Variants in RANBP17 observed in about 807,000 individuals in gnomAD.
The protein encoded by RANBP17 is ran-binding protein 17.
In RANBP17, 158 loss-of-function variants were observed where a neutral mutation model predicts 141.2. The ratio of observed to expected loss-of-function variants is 1.12; its 90% CI spans 0.98 to 1.28. The LOEUF is 1.28. Ranked by LOEUF, RANBP17 falls within the 50% of genes most tolerant of loss-of-function variation. The probability of loss-of-function intolerance (pLI) is 0.00; values close to 1 mark genes in which losing one functional copy is unlikely to be tolerated. For synonymous variants in RANBP17, 430 were observed against 450.0 expected, an observed-to-expected ratio of 0.96 and a Z score of 0.56; for missense variants, 1,438 against 1,290.7, an observed-to-expected ratio of 1.11 and a Z score of -1.75.
At chr5:171,056,502 A>C (rs1323954457) in intron 14 of RANBP17, among the ~76,000 whole-genome samples, 1 of 152,200 alleles carries the variant, frequency 6.6e-6, no homozygotes, top group Non-Finnish European at 1.5e-5. Flanking sequence ...AAATCATATC[A>C]GAATTACAGG....
At position 170,996,187 on chromosome 5, in the gene RANBP17, AAG is replaced by A. The variant is rs145611718; in HGVS notation, c.1710+27814_1710+27815del. On this transcript the variant is annotated intron_variant, in intron 14 of 27. Transcript: ENST00000523189. Reference sequence around the variant, plus strand: ...GGGCTAGAAATCTAAAAGTCTGAGAAAGAGAATGCTTGAGGGACCCTCTCCTT... The same window carrying A: ...GGGCTAGAAATCTAAAAGTCTGAGAAAGAATGCTTGAGGGACCCTCTCCTT... 4.0e-3 allele frequency among the ~76,000 whole-genome samples: 615 copies of A among 152,322 alleles called. 4 individuals carry two copies. Among genetic ancestry groups the A allele is most frequent in the African/African-American group, 0.013 (536 of 41,586 alleles).
intron 22 of RANBP17, among the ~76,000 whole-genome samples, chr5:171,238,819 A>G (rs1445291244): frequency 6.6e-6 from 1 of 152,114 alleles, no homozygotes; most frequent in Non-Finnish European, 1.5e-5. Context: ...TGGCAACTTC[A>G]ATTATCCTTC....
Position 171,171,241 on chromosome 5 carries a change from C to T in RANBP17, c.1820C>T (p.Pro607Leu). 2 of 1,597,872 alleles carry T rather than the reference C, an allele frequency of 1.3e-6. No homozygotes were observed. Among genetic ancestry groups the T allele is most frequent in the Non-Finnish European group, 1.7e-6 (2 of 1,169,266 alleles). Residue 607 changes from proline to leucine, a missense_variant, in exon 16 of 28, where the codon CCT (proline) becomes CTT (leucine). By Grantham distance (98) the Pro-to-Leu change is moderately conservative. Coordinates refer to ENST00000523189, the MANE Select transcript of RANBP17 (RefSeq NM_022897.5). ...TNLKYWGRYEPVISRTLQFLN... is the reference protein window; with the variant it reads ...TNLKYWGRYELVISRTLQFLN... ...CTTAAATACTGGGGAAGATATGAGC[C>T]TGTAATTTCAAGGACTCTTCAGTTC...
At chr5:171,298,235 A>G (rs189153801) in intron 27 of RANBP17, among the ~76,000 whole-genome samples, 1 of 152,218 alleles carries the variant, frequency 6.6e-6, no homozygotes, top group African/African-American at 2.4e-5. Context: ...TATTCATCCA[A>G]TATCACCGGA....
intron 14 of RANBP17, among the ~76,000 whole-genome samples, chr5:171,092,847 C>T (rs1400411903): frequency 6.6e-6 from 1 of 152,154 alleles, no homozygotes; most frequent in Non-Finnish European, 1.5e-5. Flanking sequence ...TTGTTATTCA[C>T]CTTTGATCTC....
At chr5:171,032,799 A>G (rs911680568) in intron 14 of RANBP17, among the ~76,000 whole-genome samples, 1 of 152,124 alleles carries the variant, frequency 6.6e-6, no homozygotes, top group African/African-American at 2.4e-5. Flanking sequence ...TTGCTATAAA[A>G]CTAAATAGAC....
intron 19 of RANBP17, among the ~76,000 whole-genome samples, chr5:171,205,014 C>T (rs1404856090): frequency 6.6e-6 from 1 of 152,128 alleles, no homozygotes. Flanking sequence ...TGCCATTCTG[C>T]GTATATCATA....
At chr5:170,964,738 T>C (rs1776418157) in intron 13 of RANBP17, among the ~76,000 whole-genome samples, 2 of 152,366 alleles carry the variant, frequency 1.3e-5, no homozygotes, top group Middle Eastern at 3.4e-3. Flanking sequence ...CATCATTTTT[T>C]AAGGCTGCCT....
At chr5:171,143,634 C>T (rs755176235) in intron 14 of RANBP17, among the ~76,000 whole-genome samples, 27 of 152,120 alleles carry the variant, frequency 1.8e-4, no homozygotes, top group Non-Finnish European at 3.2e-4. Flanking sequence ...TTCATTTCTT[C>T]GGTAAACATC....
intron 14 of RANBP17, among the ~76,000 whole-genome samples, chr5:171,116,007 T>G (rs113054033): frequency 0.01 from 1,547 of 152,284 alleles, 30 homozygotes; most frequent in African/African-American, 0.036. Flanking sequence ...AGAGGTACAT[T>G]TTAATGAAAT....
intron 11 of RANBP17, among the ~76,000 whole-genome samples, chr5:170,920,027 T>C (rs1344297420): frequency 6.6e-6 from 1 of 152,134 alleles, no homozygotes; most frequent in African/African-American, 2.4e-5. Context: ...GTATACCATT[T>C]TGTGGATATA....
At chr5:171,064,470 G>C (rs1169514516) in intron 14 of RANBP17, among the ~76,000 whole-genome samples, 3 of 152,040 alleles carry the variant, frequency 2.0e-5, no homozygotes, top group East Asian at 3.9e-4. Context: ...CCTTTGAGTT[G>C]TTTATTCAAA....
chr5:171,239,790 T>G (rs1425279228), intron 22 of RANBP17, among the ~76,000 whole-genome samples: 1 of 152,142 alleles, frequency 6.6e-6, no homozygotes, highest in Admixed American at 6.6e-5. Context: ...CTTGGAGATA[T>G]TGGTCAGCAG....
intron 7 of RANBP17, among the ~76,000 whole-genome samples, chr5:170,911,763 G>T (rs939875831): frequency 3.9e-5 from 6 of 151,916 alleles, no homozygotes; most frequent in Non-Finnish European, 8.8e-5. Flanking sequence ...TAGATTAAGT[G>T]ACCTAGAAGA....
At chr5:171,253,141 G>C (rs984083289) in intron 24 of RANBP17, among the ~76,000 whole-genome samples, 7 of 152,184 alleles carry the variant, frequency 4.6e-5, no homozygotes, top group Admixed American at 3.9e-4. Flanking sequence ...ACGATGGATT[G>C]ACAAGCCCTT....
chr5:171,131,207 A>T (rs1298298033), intron 14 of RANBP17, among the ~76,000 whole-genome samples: 3 of 152,216 alleles, frequency 2.0e-5, no homozygotes, highest in Non-Finnish European at 4.4e-5. Flanking sequence ...AGCTCTCAAA[A>T]TATTAGTTCT....
intron 14 of RANBP17, among the ~76,000 whole-genome samples, chr5:171,078,409 G>A (rs1785069979): frequency 6.6e-6 from 1 of 152,102 alleles, no homozygotes; most frequent in Non-Finnish European, 1.5e-5. Context: ...ACCTGCCTTG[G>A]CCTCCCAAAG....
At chr5:170,874,115 C>T (rs980661283) in intron 1 of RANBP17, among the ~76,000 whole-genome samples, 20 of 152,206 alleles carry the variant, frequency 1.3e-4, no homozygotes, top group African/African-American at 3.9e-4. Context: ...AGGAGTCATT[C>T]GGGAGCAAGG....
intron 2 of RANBP17, among the ~76,000 whole-genome samples, chr5:170,879,211 C>G (rs1376214523): frequency 6.6e-6 from 1 of 152,004 alleles, no homozygotes; most frequent in Admixed American, 6.6e-5. Flanking sequence ...AATATCAGTC[C>G]ATGAGCATAT....
Sources: allele counts gnomAD v4.1 joint callset (sites outside exome capture counted in the v4.1 genomes callset), GRCh38; gene constraint gnomAD v4.1.1; transcripts MANE v1.5; gene names NCBI Gene and HGNC (gene_info 2026-07-23, HGNC 2026-07-21).